The following SLC25A18 variants were observed in gnomAD, a reference collection of about 807,000 sequenced individuals.
SLC25A18 encodes solute carrier family 25 member 18.
In SLC25A18, 24 loss-of-function variants were observed where a neutral mutation model predicts 31.1. The observed-to-expected ratio is 0.77, with a 90% confidence interval of 0.56 to 1.08. The LOEUF is 1.08. Among genes scored for constraint, SLC25A18 ranks in the 50% least tolerant of loss-of-function variants. The pLI is 0.00. For missense variants in SLC25A18, 371 were observed against 418.5 expected (o/e 0.89, Z 0.99); for synonymous variants, 173 against 161.9 (o/e 1.07, Z -0.52).
intron 6 of SLC25A18, 113 bp downstream of exon 6, chr22:17,582,766 GTGCACA>G: frequency 2.2e-5 from 19 of 882,266 alleles, no homozygotes; most frequent in Non-Finnish European, 3.2e-5. Context: ...ATATAAATAT[GTGCACA>G]CATGGCTGAG....
In SLC25A18 at chr22:17,588,276, A is replaced by C. The variant is rs548091691; in HGVS notation, c.730+197A>C. On this transcript the variant is annotated intron_variant, in intron 9 of 10. Coordinates refer to ENST00000327451, the MANE Select transcript of SLC25A18 (RefSeq NM_031481.3). ...CATCCCTGACACATCCCTCGCCTTC[A>C]AGATGCTGATTGCTTTAGCTTTTCA... is the stretch of plus-strand genomic sequence containing the variant. The C allele has an allele frequency of 8.7e-6, 5 of 575,918 alleles. No homozygotes were observed. In the African/African-American group the frequency reaches 9.4e-5, roughly 11 times the overall value. 35.7% of individuals were successfully genotyped at this position (575,918 alleles called of 1,614,324 possible).
chr22:17,588,053 C>T lies in SLC25A18; in HGVS notation c.704C>T (p.Ala235Val). Residue 235 changes from alanine to valine, a missense_variant, in exon 9 of 11, where the codon GCT becomes GTT. Ala to Val is a moderately conservative substitution (Grantham distance 64). Transcript: ENST00000327451. ...FVSGCVAGSI[A>V]AVAVTPLDVL... The stretch of plus-strand genomic sequence containing the variant: ...TCAGGCTGTGTGGCAGGTTCCATAG[C>T]TGCGGTCGCAGTGACGCCTCTAGAT... The T allele has an allele frequency of 6.2e-7, 1 of 1,614,128 alleles. No homozygotes were observed. Among genetic ancestry groups the T allele is most frequent in the Non-Finnish European group, 8.5e-7 (1 of 1,180,038 alleles).
At chr22:17,584,451 GAGAGAGAGA>G (rs2057476091) in intron 7 of SLC25A18, among the ~76,000 whole-genome samples, 1 of 128,476 alleles carries the variant, frequency 7.8e-6, no homozygotes, top group Non-Finnish European at 1.6e-5. Context: ...AGGAAGGAGA[GAGAGAGAGA>G]GAGAGAGAGA....
At chr22:17,563,799 C>A in intron 1 of SLC25A18, 86 bp downstream of exon 1, 1 of 783,758 alleles carries the variant, frequency 1.3e-6, no homozygotes, top group Non-Finnish European at 1.5e-6. Flanking sequence ...GCCTCATCTG[C>A]TCAGAGTTCA....
intron 2 of SLC25A18, among the ~76,000 whole-genome samples, chr22:17,574,854 T>TTATTATTATTATTATTATTATTA (rs2057193064): frequency 1.6e-5 from 1 of 63,104 alleles, no homozygotes; most frequent in Non-Finnish European, 3.0e-5. Context: ...TATTATTATT[T>TTATTATTATTATTATTATTATTA]ATATATGTAT....
intron 2 of SLC25A18, among the ~76,000 whole-genome samples, chr22:17,575,591 A>G (rs1374377869): frequency 2.6e-5 from 4 of 152,194 alleles, no homozygotes; most frequent in African/African-American, 9.7e-5. Context: ...GGGTTGAATC[A>G]TTCAGCTTAA....
chr22:17,588,163 A>G, intron 9 of SLC25A18, 84 bp downstream of exon 9: 1 of 1,524,282 alleles, frequency 6.6e-7, no homozygotes, highest in Non-Finnish European at 8.9e-7. Flanking sequence ...CCTGGAAGCC[A>G]TACTGGGTTG....
intron 2 of SLC25A18, among the ~76,000 whole-genome samples, chr22:17,574,905 G>A (rs948030109): frequency 2.0e-5 from 3 of 150,486 alleles, no homozygotes; most frequent in African/African-American, 7.4e-5. Context: ...AGGCTAGAGT[G>A]CAGTGGTGCG....
At chr22:17,574,224 A>C (rs1208662407) in intron 2 of SLC25A18, among the ~76,000 whole-genome samples, 1 of 144,038 alleles carries the variant, frequency 6.9e-6, no homozygotes, top group African/African-American at 2.4e-5. Flanking sequence ...ACAGAGCCAG[A>C]TCTTGTCCCC....
chr22:17,589,698 G>T lies in SLC25A18; in HGVS notation c.806+33G>T, dbSNP rs189584746. ...CCAGTGTCCCCTCAAATGGTGGCTG[G>T]GACAGGTTCCTCTGCGTGGGTGTCT... is the stretch of plus-strand genomic sequence containing the variant. On this transcript the variant is annotated intron_variant, in intron 10 of 10. Coordinates refer to ENST00000327451, the MANE Select transcript of SLC25A18 (RefSeq NM_031481.3). The T allele has an allele frequency of 3.6e-3, 5,774 of 1,604,674 alleles. 33 individuals are homozygous for T. The highest frequency in any genetic ancestry group is 3.4e-3 in the Non-Finnish European group (3,952 of 1,171,480).
At chr22:17,565,724 G>A (rs188661016) in intron 1 of SLC25A18, among the ~76,000 whole-genome samples, 17 of 152,106 alleles carry the variant, frequency 1.1e-4, no homozygotes, top group African/African-American at 3.9e-4. Context: ...AAAATTAGCC[G>A]GGCATGATGG....
intron 1 of SLC25A18, among the ~76,000 whole-genome samples, chr22:17,564,657 G>C (rs558483388): frequency 1.5e-4 from 23 of 152,148 alleles, no homozygotes; most frequent in African/African-American, 5.1e-4. Context: ...GTCAAGAGAT[G>C]GAGACCATCC....
chr22:17,580,785 G>T, intron 3 of SLC25A18: 1 of 1,262,494 alleles, frequency 7.9e-7, no homozygotes, highest in Non-Finnish European at 1.0e-6. Context: ...GGGCAGAGCT[G>T]GGCTCCTCCC....
At chr22:17,582,446 C>T (rs2057405514) in intron 5 of SLC25A18, 117 bp from the exon 6 acceptor site, 1 of 691,060 alleles carries the variant, frequency 1.4e-6, no homozygotes, top group Non-Finnish European at 2.3e-6. Context: ...AGGAGCCCCA[C>T]CTGGCCCCAA....
At chr22:17,577,970 C>T (rs112582933) in intron 2 of SLC25A18, among the ~76,000 whole-genome samples, 199 of 146,222 alleles carry the variant, frequency 1.4e-3, no homozygotes, top group African/African-American at 4.9e-3. Flanking sequence ...AGCCACTGCG[C>T]CCTGCTTCTT....
At chr22:17,572,842 C>G (rs695715) in intron 2 of SLC25A18, among the ~76,000 whole-genome samples, 62,322 of 150,782 alleles carry the variant, frequency 0.41, 13,298 homozygotes, top group African/African-American at 0.51. Context: ...GGGGTTTCAC[C>G]GTGTTAGCCA....
At chr22:17,577,601 G>A (rs1333282224) in intron 2 of SLC25A18, among the ~76,000 whole-genome samples, 13 of 125,734 alleles carry the variant, frequency 1.0e-4, no homozygotes, top group South Asian at 2.5e-4. Context: ...TTTTTTTTGA[G>A]ATGGAGGCTC....
intron 1 of SLC25A18, among the ~76,000 whole-genome samples, chr22:17,564,313 G>T (rs575624818): frequency 6.6e-6 from 1 of 152,284 alleles, no homozygotes; most frequent in African/African-American, 2.4e-5. Flanking sequence ...GCCATCATCT[G>T]GGAACTTGCT....
intron 2 of SLC25A18, among the ~76,000 whole-genome samples, chr22:17,571,991 T>C (rs2057100484): frequency 6.6e-6 from 1 of 151,156 alleles, no homozygotes; most frequent in South Asian, 2.1e-4. Flanking sequence ...CACTCTAGCC[T>C]GGGCAACAGA....
Sources: allele counts gnomAD v4.1 joint callset (sites outside exome capture counted in the v4.1 genomes callset), GRCh38; gene constraint gnomAD v4.1.1; transcripts MANE v1.5; gene names NCBI Gene and HGNC (gene_info 2026-07-23, HGNC 2026-07-21).